Variants in CDC42BPA observed in about 807,000 individuals in gnomAD.
The protein encoded by CDC42BPA is serine/threonine-protein kinase MRCK alpha.
In CDC42BPA, 80 loss-of-function variants were observed where a neutral mutation model predicts 223.5. The observed-to-expected ratio is 0.36, with a 90% confidence interval of 0.30 to 0.43. The LOEUF (loss-of-function observed/expected upper bound fraction) is 0.43, where lower values mean the gene tolerates loss of function less well. CDC42BPA is among the 20% of genes least tolerant of loss of function. CDC42BPA has a pLI of 1.00. For missense variants in CDC42BPA, 1,743 were observed against 2,099.9 expected (o/e 0.83, Z 3.32); for synonymous variants, 694 against 718.6 (o/e 0.97, Z 0.55).
intron 2 of CDC42BPA, among the ~76,000 whole-genome samples, chr1:227,246,517 C>T (rs1346819770): frequency 1.3e-5 from 2 of 151,834 alleles, no homozygotes; most frequent in Admixed American, 6.6e-5. Context: ...CCAGGTGGCT[C>T]GATACAGAAA....
chr1:226,992,316 T>C lies in CDC42BPA; in HGVS notation c.*1952A>G, dbSNP rs1660856724. ...TGAATTACACCCATCCAAAATAAAA[T>C]ATAATCAAATCTGAGCTGGCACCAA... On this transcript the variant is annotated 3_prime_UTR_variant, in exon 37 of 37. Coordinates refer to ENST00000366766, the MANE Select transcript of CDC42BPA (RefSeq NM_001394014.1). The C allele has an allele frequency of 1.3e-5, 2 of 152,216 alleles. No individual in the cohort carries two copies. Among genetic ancestry groups the C allele is most frequent in the South Asian group, 4.1e-4 (2 of 4,832 alleles). The allele number at this position is 152,216 out of a possible 1,614,324, so 9.4% of individuals were successfully genotyped here.
At chr1:227,187,586 CAAT>C (rs1476960235) in intron 5 of CDC42BPA, among the ~76,000 whole-genome samples, 1 of 147,708 alleles carries the variant, frequency 6.8e-6, no homozygotes, top group Admixed American at 6.8e-5. Flanking sequence ...TGGAATGAAG[CAAT>C]AATGTCTGAT....
At chr1:227,265,030 A>T in intron 1 of CDC42BPA, 1 of 796,546 alleles carries the variant, frequency 1.3e-6, no homozygotes, top group East Asian at 2.4e-5. Context: ...CATCACACTG[A>T]GGATTTGGCT....
chr1:227,118,035 T>G (rs1436076447), intron 12 of CDC42BPA, among the ~76,000 whole-genome samples: 1 of 152,186 alleles, frequency 6.6e-6, no homozygotes, highest in Non-Finnish European at 1.5e-5. Flanking sequence ...CATTACTAAT[T>G]AGAGAAATGC....
chr1:227,212,518 C>T (rs1289395174), intron 3 of CDC42BPA, among the ~76,000 whole-genome samples: 2 of 152,200 alleles, frequency 1.3e-5, no homozygotes, highest in East Asian at 3.9e-4. Flanking sequence ...TGATACAGCA[C>T]AGCAGCGGAC....
intron 10 of CDC42BPA, among the ~76,000 whole-genome samples, chr1:227,130,198 G>C (rs1438184235): frequency 6.6e-6 from 1 of 152,070 alleles, no homozygotes; most frequent in East Asian, 1.9e-4. Context: ...TATTTATGGA[G>C]GGATTCTCAC....
intron 1 of CDC42BPA, among the ~76,000 whole-genome samples, chr1:227,292,662 AACTTT>A (rs1373553062): frequency 6.6e-6 from 1 of 152,200 alleles, no homozygotes; most frequent in Non-Finnish European, 1.5e-5. Context: ...ACTTTGTTAA[AACTTT>A]ACTTGTGAAG....
At chr1:227,019,166 T>C (rs1036638929) in intron 32 of CDC42BPA, among the ~76,000 whole-genome samples, 4 of 152,354 alleles carry the variant, frequency 2.6e-5, no homozygotes, top group Middle Eastern at 3.4e-3. Flanking sequence ...CACCTTAGTG[T>C]ATGTAATATT....
chr1:227,183,866 G>A (rs926852402), intron 5 of CDC42BPA, among the ~76,000 whole-genome samples: 1 of 152,108 alleles, frequency 6.6e-6, no homozygotes, highest in Non-Finnish European at 1.5e-5. Context: ...TTTAGTATTA[G>A]CTACTTTTTA....
chr1:227,050,824 A>G (rs1572491085), intron 22 of CDC42BPA, among the ~76,000 whole-genome samples: 1 of 152,202 alleles, frequency 6.6e-6, no homozygotes, highest in Non-Finnish European at 1.5e-5. Flanking sequence ...TGTCTGGGAA[A>G]GAAGAGTGGG....
chr1:227,210,119 C>T (rs906861643), intron 3 of CDC42BPA, among the ~76,000 whole-genome samples: 3 of 152,260 alleles, frequency 2.0e-5, no homozygotes, highest in South Asian at 4.2e-4. Flanking sequence ...TCCAGTCTAT[C>T]GTTGTTGGAC....
chr1:227,080,787 T>G (rs1929853), intron 17 of CDC42BPA, 106 bp downstream of exon 17: 331,671 of 1,260,274 alleles, frequency 0.26, 45,372 homozygotes, highest in African/African-American at 0.35. Flanking sequence ...ATTTATCACA[T>G]CTGACAAATG....
intron 8 of CDC42BPA, among the ~76,000 whole-genome samples, chr1:227,144,843 A>G (rs941082426): frequency 5.9e-5 from 9 of 152,074 alleles, no homozygotes; most frequent in Non-Finnish European, 2.9e-5. Flanking sequence ...ACGTCTGTGG[A>G]CTATTTTCCC....
chr1:227,055,821 T>C (rs1674427270), intron 21 of CDC42BPA, among the ~76,000 whole-genome samples: 1 of 152,086 alleles, frequency 6.6e-6, no homozygotes, highest in South Asian at 2.1e-4. Flanking sequence ...TAAACATACT[T>C]TAAGGTGTTA....
intron 23 of CDC42BPA, among the ~76,000 whole-genome samples, chr1:227,042,053 C>T (rs757206032): frequency 6.6e-6 from 1 of 151,936 alleles, no homozygotes; most frequent in African/African-American, 2.4e-5. Flanking sequence ...TTTTCTAGTG[C>T]TAACTTTTTC....
intron 2 of CDC42BPA, among the ~76,000 whole-genome samples, chr1:227,218,723 C>T (rs1675317186): frequency 6.6e-6 from 1 of 152,142 alleles, no homozygotes; most frequent in African/African-American, 2.4e-5. Flanking sequence ...ATTCTGATAC[C>T]TATTGACACA....
At chr1:227,145,267 G>A (rs760972241) in intron 8 of CDC42BPA, among the ~76,000 whole-genome samples, 3 of 152,018 alleles carry the variant, frequency 2.0e-5, no homozygotes, top group Admixed American at 6.6e-5. Flanking sequence ...GTAAAACTTT[G>A]AATTTTAATT....
intron 15 of CDC42BPA, among the ~76,000 whole-genome samples, chr1:227,093,842 A>G (rs1683509715): frequency 6.6e-6 from 1 of 152,216 alleles, no homozygotes; most frequent in Non-Finnish European, 1.5e-5. Context: ...ACCTTCAGGC[A>G]GCAAAAGACA....
At chr1:227,288,045 T>C (rs1466523555) in intron 1 of CDC42BPA, among the ~76,000 whole-genome samples, 1 of 152,196 alleles carries the variant, frequency 6.6e-6, no homozygotes, top group Non-Finnish European at 1.5e-5. Flanking sequence ...TTTTGCTTTG[T>C]AGCTTTTCAC....
Sources: allele counts gnomAD v4.1 joint callset (sites outside exome capture counted in the v4.1 genomes callset), GRCh38; gene constraint gnomAD v4.1.1; transcripts MANE v1.5; gene names NCBI Gene and HGNC (gene_info 2026-07-23, HGNC 2026-07-21).